Variants in WDR7 observed in about 807,000 individuals in gnomAD.
WDR7 encodes the protein WD repeat domain 7.
WDR7 carries 46 observed loss-of-function variants against 169.4 expected under a neutral mutation model. That is an observed-to-expected ratio of 0.27 (90% CI 0.21 to 0.35). The LOEUF (loss-of-function observed/expected upper bound fraction) is 0.35, where lower values mean the gene tolerates loss of function less well. WDR7 is among the 10% of genes least tolerant of loss of function. The pLI, the probability that WDR7 is intolerant of heterozygous loss-of-function variation, is 1.00. For synonymous variants in WDR7, 612 were observed against 666.8 expected (o/e 0.92, Z 1.27); for missense variants, 1,534 against 1,859.3 (o/e 0.83, Z 3.22).
intron 26 of WDR7, among the ~76,000 whole-genome samples, chr18:57,002,664 G>A (rs936529589): frequency 1.1e-4 from 16 of 152,126 alleles, no homozygotes; most frequent in African/African-American, 3.6e-4. Flanking sequence ...TTTTACAAAC[G>A]TGTAAAATGT....
intron 12 of WDR7, among the ~76,000 whole-genome samples, chr18:56,706,768 A>C (rs1204450576): frequency 6.6e-6 from 1 of 151,520 alleles, no homozygotes; most frequent in South Asian, 2.1e-4. Flanking sequence ...GCTCACTGCA[A>C]CCTCTGCCTC....
chr18:56,824,687 A>G (rs1317101764), intron 20 of WDR7, among the ~76,000 whole-genome samples: 1 of 152,238 alleles, frequency 6.6e-6, no homozygotes, highest in Non-Finnish European at 1.5e-5. Flanking sequence ...TTATTTGTAG[A>G]TAAATTATCT....
intron 26 of WDR7, among the ~76,000 whole-genome samples, chr18:57,011,362 G>GT (rs2145916369): frequency 6.7e-6 from 1 of 149,894 alleles, no homozygotes; most frequent in Admixed American, 6.6e-5. Context: ...ACTGAAGCTA[G>GT]TTTTAAGAAA....
At chr18:56,710,941 G>A (rs1466813849) in intron 12 of WDR7, among the ~76,000 whole-genome samples, 12 of 151,826 alleles carry the variant, frequency 7.9e-5, no homozygotes, top group Admixed American at 7.9e-4. Context: ...AAGTTGACAG[G>A]TAAAAATAGT....
chr18:56,987,945 T>A (rs1568301444), intron 26 of WDR7, among the ~76,000 whole-genome samples: 1 of 152,252 alleles, frequency 6.6e-6, no homozygotes, highest in African/African-American at 2.4e-5. Context: ...GAAAACACAA[T>A]TTAAATTATT....
intron 14 of WDR7, among the ~76,000 whole-genome samples, chr18:56,734,847 A>G (rs2144822164): frequency 6.6e-6 from 1 of 152,270 alleles, no homozygotes; most frequent in Middle Eastern, 3.4e-3. Context: ...TCCAATACTC[A>G]ATGTAGTATA....
At chr18:56,834,335 A>G (rs2045362504) in intron 20 of WDR7, among the ~76,000 whole-genome samples, 1 of 152,038 alleles carries the variant, frequency 6.6e-6, no homozygotes, top group East Asian at 1.9e-4. Flanking sequence ...TCCTGCCTTT[A>G]CTCAAGGCCA....
chr18:57,007,248 G>T (rs1004511962), intron 26 of WDR7, among the ~76,000 whole-genome samples: 1 of 151,882 alleles, frequency 6.6e-6, no homozygotes, highest in Non-Finnish European at 1.5e-5. Flanking sequence ...CAAAGTGCTG[G>T]GATTACAGGC....
At chr18:56,718,382 A>T (rs1249038169) in intron 13 of WDR7, among the ~76,000 whole-genome samples, 1 of 152,224 alleles carries the variant, frequency 6.6e-6, no homozygotes, top group Non-Finnish European at 1.5e-5. Context: ...TAATATACAG[A>T]TGAGGACAGA....
chr18:56,964,383 G>A (rs1190912067), intron 26 of WDR7, among the ~76,000 whole-genome samples: 1 of 151,750 alleles, frequency 6.6e-6, no homozygotes, highest in Non-Finnish European at 1.5e-5. Flanking sequence ...TGTTTTGTTT[G>A]TTTTTGGGAT....
rs565630117 is a variant in WDR7 at position 56,816,903 on chromosome 18, G to A, written c.3304+759G>A. The stretch of plus-strand genomic sequence containing the variant: ...TCATAAAGTGTATAATTGTTGTGAA[G>A]CAACAAATATTAATTTAATAGTAAA... On this transcript the variant is annotated intron_variant, in intron 20 of 27. Coordinates refer to ENST00000254442, the MANE Select transcript of WDR7 (RefSeq NM_015285.3). 6.6e-5 allele frequency among the ~76,000 whole-genome samples: 10 copies of A among 152,116 alleles called. No individual in the cohort carries two copies. The East Asian group carries it at 1.9e-3, about 29-fold the overall frequency.
intron 26 of WDR7, among the ~76,000 whole-genome samples, chr18:56,980,048 GTCC>G (rs1259531105): frequency 6.6e-6 from 1 of 152,142 alleles, no homozygotes; most frequent in Non-Finnish European, 1.5e-5. Flanking sequence ...TCCTCTAAGT[GTCC>G]TCTACCCACA....
At chr18:56,805,018 G>A (rs2044746259) in intron 19 of WDR7, among the ~76,000 whole-genome samples, 1 of 152,076 alleles carries the variant, frequency 6.6e-6, no homozygotes, top group Admixed American at 6.6e-5. Context: ...AGACCAATTG[G>A]ATGGTTTCTG....
chr18:56,781,565 G>T lies in WDR7; in HGVS notation c.3099G>T (p.Ala1033=), dbSNP rs747771275. Residue 1033 remains alanine, a synonymous_variant, in exon 19 of 28, where the codon GCG becomes GCT. Transcript: ENST00000254442. ...VREAAQALLL[A]ELRRIEQAGR... ...AAGCCGCGCAGGCCCTGCTTCTGGCGGAACTGAGAAGAATTGAGCAGGCAG... is the reference window on the plus strand; with the variant it reads ...AAGCCGCGCAGGCCCTGCTTCTGGCTGAACTGAGAAGAATTGAGCAGGCAG... 1 of 1,611,170 alleles carries T rather than the reference G, an allele frequency of 6.2e-7. No individual in the cohort carries two copies. The highest frequency in any genetic ancestry group is 8.5e-7 in the Non-Finnish European group (1 of 1,178,572).
At chr18:57,010,101 G>A in intron 26 of WDR7, 2 of 985,474 alleles carry the variant, frequency 2.0e-6, no homozygotes, top group South Asian at 4.7e-5. Context: ...CATTCATGCT[G>A]CTGAGGAACT....
chr18:56,885,842 CA>C (rs1433294199), intron 21 of WDR7, among the ~76,000 whole-genome samples: 2 of 144,180 alleles, frequency 1.4e-5, no homozygotes, highest in Non-Finnish European at 3.0e-5. Context: ...AAAAAAAAAA[CA>C]AAAAACTTCA....
intron 12 of WDR7, among the ~76,000 whole-genome samples, chr18:56,698,178 G>A (rs904144536): frequency 4.6e-5 from 7 of 151,756 alleles, no homozygotes; most frequent in African/African-American, 1.5e-4. Context: ...CTGGGCAACA[G>A]GAGCGAAACG....
At chr18:56,899,357 C>T (rs1364023978) in intron 21 of WDR7, among the ~76,000 whole-genome samples, 4 of 151,898 alleles carry the variant, frequency 2.6e-5, no homozygotes, top group Admixed American at 2.0e-4. Context: ...TATATTTTTC[C>T]CCACTATATT....
chr18:56,665,900 A>G (rs928149384), intron 1 of WDR7, among the ~76,000 whole-genome samples: 2 of 152,110 alleles, frequency 1.3e-5, no homozygotes, highest in African/African-American at 4.8e-5. Context: ...GAGGAGTCTC[A>G]GTTGACCCTG....
Sources: allele counts gnomAD v4.1 joint callset (sites outside exome capture counted in the v4.1 genomes callset), GRCh38; gene constraint gnomAD v4.1.1; transcripts MANE v1.5; gene names NCBI Gene and HGNC (gene_info 2026-07-23, HGNC 2026-07-21).